Variants in HHIPL1 observed in about 807,000 individuals in gnomAD.
The protein encoded by HHIPL1 is HHIP-like protein 1.
A neutral mutation model predicts 61.8 loss-of-function variants in HHIPL1; 43 were observed. The ratio of observed to expected loss-of-function variants is 0.70; its 90% CI spans 0.55 to 0.90. HHIPL1 has a LOEUF of 0.90. HHIPL1 is among the 40% of genes least tolerant of loss of function. HHIPL1 has a pLI of 0.00. For missense variants in HHIPL1, 1,056 were observed against 1,157.7 expected, an observed-to-expected ratio of 0.91 and a Z score of 1.28; for synonymous variants, 482 against 515.8, an observed-to-expected ratio of 0.93 and a Z score of 0.89.
At chr14:99,645,646 G>A (rs1400672596) in intron 1 of HHIPL1, among the ~76,000 whole-genome samples, 184 bp downstream of exon 1, 1 of 152,248 alleles carries the variant, frequency 6.6e-6, no homozygotes, top group Non-Finnish European at 1.5e-5. Flanking sequence ...TCTTGGCTTT[G>A]CCATTCATTA....
chr14:99,657,732 TACACACATACACACACAA>T (rs1394878772), intron 3 of HHIPL1, among the ~76,000 whole-genome samples: 1 of 150,712 alleles, frequency 6.6e-6, no homozygotes, highest in Admixed American at 6.6e-5. Flanking sequence ...CACACATATA[TACACACATACACACACAA>T]ACACACATAC....
rs2140098017 is a variant in HHIPL1, at chr14:99,675,143, G to A, written c.1866G>A (p.Thr622=). Residue 622 remains threonine, a synonymous_variant, in exon 9 of 9, where the codon ACG becomes ACA. Transcript: ENST00000330710. The surrounding 1 kb of genome is among the most constrained non-coding windows in gnomAD (Gnocchi z 5.4). The stretch of plus-strand genomic sequence containing the variant: ...CGCGGCCTACAGCGCGGGCGCCCAC[G>A]CGGGCGCCCCGCCGAGGGCGCCCCA... ...STPRPTARAP[T]RAPRRGRPTA... is the part of the protein sequence containing the mutation. 3 of 1,113,476 alleles carry A rather than the reference G, an allele frequency of 2.7e-6. No homozygotes were observed. Among genetic ancestry groups the A allele is most frequent in the Middle Eastern group, 3.2e-4 (1 of 3,156 alleles). 69.0% of individuals were successfully genotyped at this position (1,113,476 alleles called of 1,614,324 possible). A position where few individuals can be genotyped will look rare whatever the true frequency, so the allele number is the denominator to read the frequency against.
intron 1 of HHIPL1, among the ~76,000 whole-genome samples, chr14:99,646,911 C>G (rs1374764150): frequency 6.6e-6 from 1 of 151,724 alleles, no homozygotes; most frequent in Non-Finnish European, 1.5e-5. Context: ...AACCACCCCC[C>G]TGGGTGGCCA....
the HHIPL1 span, among the ~76,000 whole-genome samples, chr14:99,626,243 T>C: frequency 6.6e-6 from 1 of 151,822 alleles, no homozygotes; most frequent in African/African-American, 2.4e-5. Flanking sequence ...GCCATGGGGA[T>C]ACAGGTGTGT....
At chr14:99,663,070 G>C (rs753733105) in intron 6 of HHIPL1, 49 bp downstream of exon 6, 2 of 1,533,428 alleles carry the variant, frequency 1.3e-6, no homozygotes, top group Non-Finnish European at 1.8e-6. Flanking sequence ...GCCTGGGACT[G>C]GTCCTCCACC....
intron 5 of HHIPL1, among the ~76,000 whole-genome samples, chr14:99,662,162 C>A (rs548437182): frequency 1.3e-5 from 2 of 152,244 alleles, no homozygotes; most frequent in East Asian, 3.9e-4. Context: ...ATGAATAGGA[C>A]CCCTCGTACC....
At chr14:99,615,135 C>T in the HHIPL1 span, among the ~76,000 whole-genome samples, 1 of 152,122 alleles carries the variant, frequency 6.6e-6, no homozygotes, top group East Asian at 1.9e-4. Flanking sequence ...TGAAGGAAAA[C>T]TATTTTAGTA....
In HHIPL1 at chr14:99,645,151, C is replaced by G; in HGVS notation, c.-57C>G. ...CGCCCCTTCCCTGCCGCCGCGAGCG[C>G]CCCGGGAGGGGACCGGGGCTGCCGT... On this transcript the variant is annotated 5_prime_UTR_variant, in exon 1 of 9. Transcript: ENST00000330710. 8.0e-7 allele frequency: 1 copy of G among 1,245,642 alleles called. No individual in the cohort carries two copies. Among genetic ancestry groups the G allele is most frequent in the East Asian group, 3.2e-5 (1 of 30,962 alleles). The allele number at this position is 1,245,642 out of a possible 1,614,324, so 77.2% of individuals were successfully genotyped here.
At chr14:99,630,357 C>T in the HHIPL1 span, among the ~76,000 whole-genome samples, 34 of 152,300 alleles carry the variant, frequency 2.2e-4, no homozygotes, top group Non-Finnish European at 4.1e-4. Flanking sequence ...CATCTGACTC[C>T]GCCTCCTCTG....
intron 6 of HHIPL1, among the ~76,000 whole-genome samples, chr14:99,666,233 C>T (rs146412943): frequency 1.2e-3 from 188 of 152,294 alleles, no homozygotes; most frequent in African/African-American, 4.2e-3. Flanking sequence ...TATGGCACCT[C>T]GGGGGAGAAC....
chr14:99,670,322 G>A (rs905134547), intron 7 of HHIPL1, among the ~76,000 whole-genome samples: 1 of 152,184 alleles, frequency 6.6e-6, no homozygotes, highest in Non-Finnish European at 1.5e-5. Context: ...ATGTTGGCTA[G>A]GCTGGTCTTA....
intron 7 of HHIPL1, among the ~76,000 whole-genome samples, chr14:99,671,092 G>C (rs939945098): frequency 6.6e-6 from 1 of 152,068 alleles, no homozygotes; most frequent in African/African-American, 2.4e-5. Context: ...CTCCCGCCCT[G>C]ACCCTTCTCC....
intron 8 of HHIPL1, among the ~76,000 whole-genome samples, chr14:99,674,342 C>T (rs1031311312): frequency 2.0e-5 from 3 of 151,572 alleles, no homozygotes; most frequent in Non-Finnish European, 4.4e-5. Flanking sequence ...CTGACCTGGG[C>T]CAAGCGTGTC....
chr14:99,652,932 A>G (rs901392873), intron 2 of HHIPL1, 62 bp downstream of exon 2: 3 of 1,474,390 alleles, frequency 2.0e-6, no homozygotes, highest in Admixed American at 3.8e-5. Flanking sequence ...CTGGTGTGAC[A>G]GGACCAGTTG....
At position 99,675,262 on chromosome 14, in the gene HHIPL1, ACTCGG is replaced by A; in HGVS notation, c.1987_1991del (p.Ser663GlufsTer153). 1 of 1,243,326 alleles carries A rather than the reference ACTCGG, an allele frequency of 8.0e-7. No individual in the cohort carries two copies. Among genetic ancestry groups the A allele is most frequent in the Non-Finnish European group, 1.0e-6 (1 of 994,672 alleles). 77.0% of individuals were successfully genotyped at this position (1,243,326 alleles called of 1,614,324 possible). On this transcript the variant is annotated frameshift_variant, in exon 9 of 9. Coordinates refer to ENST00000330710, the MANE Select transcript of HHIPL1 (RefSeq NM_001127258.3). LOFTEE classifies it low-confidence loss of function (END_TRUNC). The surrounding 1 kb of genome is among the most constrained non-coding windows in gnomAD (Gnocchi z 5.4). ...GGCGGGCGGCGGCGGGGGCGGCTGA[ACTCGG>A]CGAGCCGGGCGTTCCGGGATGGCGA...
At chr14:99,631,106 T>TC in the HHIPL1 span, among the ~76,000 whole-genome samples, 686 of 121,538 alleles carry the variant, frequency 5.6e-3, 9 homozygotes, top group African/African-American at 0.02. Context: ...CTTTCTTTCT[T>TC]TCTCTCTCTT....
At chr14:99,658,935 G>A (rs767481208) in intron 3 of HHIPL1, among the ~76,000 whole-genome samples, 44 of 152,134 alleles carry the variant, frequency 2.9e-4, no homozygotes, top group Non-Finnish European at 6.0e-4. Flanking sequence ...CACAGTCCGG[G>A]AGGACTGAAT....
At chr14:99,623,264 T>C in the HHIPL1 span, among the ~76,000 whole-genome samples, 3 of 152,200 alleles carry the variant, frequency 2.0e-5, no homozygotes, top group Non-Finnish European at 1.5e-5. Context: ...GAATGCCTAT[T>C]ACCCTTTAAG....
At chr14:99,653,504 T>C (rs2055975029) in intron 2 of HHIPL1, among the ~76,000 whole-genome samples, 1 of 152,116 alleles carries the variant, frequency 6.6e-6, no homozygotes, top group Non-Finnish European at 1.5e-5. Flanking sequence ...GGCTAATTTT[T>C]TGTATTTCAG....
Sources: gnomAD v4.1 joint callset for allele counts (sites outside exome capture counted in the v4.1 genomes callset) on GRCh38, gnomAD v4.1.1 for gene constraint, Gnocchi (gnomAD v3.1) non-coding constraint, MANE v1.5 for transcripts, NCBI Gene and HGNC (gene_info 2026-07-23, HGNC 2026-07-21) for gene names.